TBC1D22A: variants seen among roughly 807,000 people sequenced by gnomAD.
TBC1D22A encodes putative GTPase activator.
A neutral mutation model predicts 60.2 loss-of-function variants in TBC1D22A; 38 were observed. The observed-to-expected ratio is 0.63, with a 90% CI of 0.49 to 0.83. TBC1D22A has a LOEUF of 0.83. TBC1D22A is among the 40% of genes least tolerant of loss of function. The pLI is 0.00. For missense variants in TBC1D22A, 628 were observed against 701.0 expected (o/e 0.90, Z 1.18); for synonymous variants, 302 against 281.7 (o/e 1.07, Z -0.72).
chr22:46,889,593 C>T (rs758193020), intron 5 of TBC1D22A, among the ~76,000 whole-genome samples: 2 of 152,202 alleles, frequency 1.3e-5, no homozygotes, highest in African/African-American at 2.4e-5. Flanking sequence ...CGGAAACAAC[C>T]GAAATGCTCA....
intron 4 of TBC1D22A, among the ~76,000 whole-genome samples, chr22:46,825,885 C>CT (rs139593): frequency 0.27 from 38,912 of 141,678 alleles, 5,286 homozygotes; most frequent in South Asian, 0.42. Context: ...TGGTGGTCTT[C>CT]TTTTTTTTTT....
At chr22:46,807,621 A>G (rs1378364644) in intron 4 of TBC1D22A, among the ~76,000 whole-genome samples, 1 of 152,204 alleles carries the variant, frequency 6.6e-6, no homozygotes, top group East Asian at 1.9e-4. Context: ...TTTACTCCAT[A>G]TGATGAGTAG....
intron 7 of TBC1D22A, among the ~76,000 whole-genome samples, chr22:46,902,463 T>C (rs187802932): frequency 1.3e-5 from 2 of 152,382 alleles, no homozygotes; most frequent in Non-Finnish European, 2.9e-5. Flanking sequence ...GAGTACTTCT[T>C]GTTTGAACCA....
At position 47,134,742 on chromosome 22, in the gene TBC1D22A, C is replaced by T. The variant is rs992977884; in HGVS notation, c.1425+23139C>T. 2.7e-5 allele frequency among the ~76,000 whole-genome samples: 4 copies of T among 150,354 alleles called. No individual in the cohort carries two copies. In the South Asian group the frequency reaches 8.6e-4, roughly 32 times the overall value. On this transcript the variant is annotated intron_variant, in intron 12 of 12. Coordinates refer to ENST00000337137, the MANE Select transcript of TBC1D22A (RefSeq NM_014346.5). ...CTGGACTTTGTTTGCAGAAAGAATT[C>T]CTCGTGCTGTGTGGCTGGCATCCTT...
At chr22:47,061,389 G>A (rs980538024) in intron 11 of TBC1D22A, among the ~76,000 whole-genome samples, 6 of 152,000 alleles carry the variant, frequency 3.9e-5, no homozygotes, top group Non-Finnish European at 5.9e-5. Flanking sequence ...TGCCTTGGTC[G>A]TGGTCCCTGC....
intron 11 of TBC1D22A, among the ~76,000 whole-genome samples, chr22:47,052,418 G>T (rs1414359020): frequency 2.0e-5 from 3 of 152,164 alleles, no homozygotes; most frequent in East Asian, 3.9e-4. Flanking sequence ...GTGAGGAGGT[G>T]GGAGGCTGGG....
At chr22:46,988,656 T>G (rs2074818300) in intron 9 of TBC1D22A, among the ~76,000 whole-genome samples, 1 of 152,262 alleles carries the variant, frequency 6.6e-6, no homozygotes, top group African/African-American at 2.4e-5. Flanking sequence ...CTTCAAATAC[T>G]TGGTAAACCC....
intron 4 of TBC1D22A, among the ~76,000 whole-genome samples, chr22:46,811,328 T>C (rs1408943995): frequency 1.3e-5 from 2 of 152,212 alleles, no homozygotes; most frequent in Non-Finnish European, 2.9e-5. Flanking sequence ...CATCTCTTCA[T>C]TCATCCGTCA....
At chr22:46,912,366 G>A (rs566826749) in intron 8 of TBC1D22A, among the ~76,000 whole-genome samples, 178 bp downstream of exon 8, 1 of 152,270 alleles carries the variant, frequency 6.6e-6, no homozygotes, top group Admixed American at 6.5e-5. Context: ...TAATCTACAT[G>A]CTCAACTACT....
intron 8 of TBC1D22A, among the ~76,000 whole-genome samples, chr22:46,962,577 A>G (rs1472392047): frequency 6.6e-6 from 1 of 152,246 alleles, no homozygotes; most frequent in Non-Finnish European, 1.5e-5. Context: ...ATTCTTTGTA[A>G]CAGTAAGATG....
At position 46,878,662 on chromosome 22, in the gene TBC1D22A, G is replaced by C; in HGVS notation, c.647G>C (p.Arg216Pro). 1 of 1,613,166 alleles carries C rather than the reference G, an allele frequency of 6.2e-7. No individual in the cohort carries two copies. Among genetic ancestry groups the C allele is most frequent in the Non-Finnish European group, 8.5e-7 (1 of 1,179,812 alleles). Residue 216 changes from arginine (R) to proline (P), a missense_variant, in exon 5 of 13, where the codon CGG becomes CCG. Coordinates refer to ENST00000337137, the MANE Select transcript of TBC1D22A (RefSeq NM_014346.5). Reference sequence around the variant, plus strand: ...CTTTTTTCATCAACAGAGGAATTACGGAGGTTGAGCTGGTCCGGAATCCCT... The same window carrying C: ...CTTTTTTCATCAACAGAGGAATTACCGAGGTTGAGCTGGTCCGGAATCCCT... ...AGPNTDLEEL[R>P]RLSWSGIPKP...
intron 10 of TBC1D22A, among the ~76,000 whole-genome samples, chr22:47,027,259 T>C (rs1373153318): frequency 6.6e-6 from 1 of 152,272 alleles, no homozygotes; most frequent in Admixed American, 6.5e-5. Context: ...ATTCATATTT[T>C]GTGCCATGTT....
At chr22:46,920,731 A>C (rs2070704653) in intron 8 of TBC1D22A, among the ~76,000 whole-genome samples, 1 of 152,082 alleles carries the variant, frequency 6.6e-6, no homozygotes, top group South Asian at 2.1e-4. Flanking sequence ...CACTGAAACA[A>C]TATATAATTT....
rs557021101 is a variant in TBC1D22A, at chr22:46,891,718, G to T, written c.837+324G>T. On this transcript the variant is annotated intron_variant, in intron 6 of 12. Coordinates refer to ENST00000337137, the MANE Select transcript of TBC1D22A (RefSeq NM_014346.5). ...GTGGGAGTTTGTATCACAGTGAGCT[G>T]CTGTCTGGTAATAAAAGGCCATTCC... Among the ~76,000 whole-genome samples, 112 of 152,288 alleles carry T rather than the reference G, an allele frequency of 7.4e-4. 1 individual carries two copies. Among genetic ancestry groups the T allele is most frequent in the African/African-American group, 2.6e-3 (106 of 41,566 alleles).
intron 5 of TBC1D22A, 78 bp downstream of exon 5, chr22:46,878,801 G>T (rs1268473380): frequency 5.8e-6 from 8 of 1,380,332 alleles, no homozygotes; most frequent in Middle Eastern, 1.9e-4. Flanking sequence ...AGTAGGGCCT[G>T]ACAGCCACAG....
Position 46,808,383 on chromosome 22 carries a change from A to G in TBC1D22A, c.637+10763A>G, listed in dbSNP as rs114737709. Among the ~76,000 whole-genome samples, 680 of 152,270 alleles carry G rather than the reference A, an allele frequency of 4.5e-3. 3 individuals are homozygous for G. The highest frequency in any genetic ancestry group is 0.015 in the African/African-American group (636 of 41,564). ...AAAAAATAAAAAAAAATAAAAAAAT[A>G]AAGAAATGCAGTAGGGATGGGAGGT... is the stretch of plus-strand genomic sequence containing the variant. On this transcript the variant is annotated intron_variant, in intron 4 of 12. Transcript: ENST00000337137.
At chr22:46,946,733 C>T (rs1602610200) in intron 8 of TBC1D22A, among the ~76,000 whole-genome samples, 2 of 152,312 alleles carry the variant, frequency 1.3e-5, no homozygotes, top group East Asian at 1.9e-4. Flanking sequence ...GCTGCTGTTG[C>T]AGCAAGTCTG....
At chr22:46,814,280 T>A (rs983794961) in intron 4 of TBC1D22A, among the ~76,000 whole-genome samples, 1 of 152,240 alleles carries the variant, frequency 6.6e-6, no homozygotes, top group Non-Finnish European at 1.5e-5. Context: ...CTTGATCATT[T>A]CTCACAGTAG....
At chr22:46,832,117 G>T (rs2086335329) in intron 4 of TBC1D22A, among the ~76,000 whole-genome samples, 1 of 152,176 alleles carries the variant, frequency 6.6e-6, no homozygotes, top group Non-Finnish European at 1.5e-5. Flanking sequence ...CCAGCAAGAG[G>T]CTGGGTTTGG....
Sources: gnomAD v4.1 joint callset for allele counts (sites outside exome capture counted in the v4.1 genomes callset) on GRCh38, gnomAD v4.1.1 for gene constraint, MANE v1.5 for transcripts, NCBI Gene and HGNC (gene_info 2026-07-23, HGNC 2026-07-21) for gene names.